Variants in ERO1B observed in about 807,000 individuals in gnomAD.
ERO1B encodes the protein ERO1-like protein beta.
ERO1B carries 49 observed loss-of-function variants against 75.3 expected under a neutral mutation model. The ratio of observed to expected loss-of-function variants is 0.65; its 90% CI spans 0.52 to 0.83. The LOEUF is 0.83. Ranked by LOEUF, ERO1B falls within the 40% of genes least tolerant of loss-of-function variation. ERO1B has a pLI of 0.00. For synonymous variants in ERO1B, 191 were observed against 192.9 expected (o/e 0.99, Z 0.08); for missense variants, 512 against 560.1 (o/e 0.91, Z 0.87).
chr1:236,227,749 ACTCT>A (rs1209132676), intron 10 of ERO1B, among the ~76,000 whole-genome samples: 1 of 151,966 alleles, frequency 6.6e-6, no homozygotes, highest in African/African-American at 2.4e-5. Context: ...CCAGCAATTC[ACTCT>A]CTCTTTCTGT....
chr1:236,230,387 T>C (rs12022809), intron 9 of ERO1B, 137 bp from the exon 10 acceptor site: 38,624 of 630,058 alleles, frequency 0.061, 3,469 homozygotes, highest in East Asian at 0.41. Flanking sequence ...CGAGGTGGGC[T>C]GATCACTTGA....
At chr1:236,247,853 T>C (rs145895125) in intron 5 of ERO1B, among the ~76,000 whole-genome samples, 1 of 152,130 alleles carries the variant, frequency 6.6e-6, no homozygotes, top group Non-Finnish European at 1.5e-5. Flanking sequence ...ATACCTGGAA[T>C]GCTCATCCCC....
intron 1 of ERO1B, among the ~76,000 whole-genome samples, chr1:236,272,047 CAAAA>C (rs1163785539): frequency 2.6e-5 from 4 of 151,634 alleles, no homozygotes; most frequent in African/African-American, 9.7e-5. Flanking sequence ...AAAAGTAAAA[CAAAA>C]AAACAGATGT....
intron 1 of ERO1B, among the ~76,000 whole-genome samples, chr1:236,279,764 T>C (rs1272503796): frequency 6.7e-6 from 1 of 149,830 alleles, no homozygotes; most frequent in African/African-American, 2.4e-5. Flanking sequence ...CAGAATTGCT[T>C]GAACCTGTGA....
chr1:236,223,929 C>A (rs918041400), intron 13 of ERO1B, among the ~76,000 whole-genome samples: 1 of 152,096 alleles, frequency 6.6e-6, no homozygotes. Flanking sequence ...AAGAAAGTCT[C>A]GCCAAAGGAG....
intron 10 of ERO1B, 73 bp from the exon 11 acceptor site, chr1:236,226,812 T>C: frequency 1.9e-6 from 2 of 1,031,860 alleles, no homozygotes; most frequent in East Asian, 4.9e-5. Flanking sequence ...GGAGGTTCAG[T>C]ATGTAGGCTT....
At chr1:236,232,610 C>G (rs1572036447) in intron 9 of ERO1B, among the ~76,000 whole-genome samples, 1 of 148,858 alleles carries the variant, frequency 6.7e-6, no homozygotes, top group South Asian at 2.1e-4. Context: ...AATTGATTTA[C>G]AAACTAAGCA....
intron 2 of ERO1B, among the ~76,000 whole-genome samples, chr1:236,267,092 T>C (rs374089081): frequency 7.2e-5 from 11 of 152,348 alleles, no homozygotes; most frequent in African/African-American, 2.4e-4. Flanking sequence ...TTCCTTCTTT[T>C]GGTCCAACAG....
At chr1:236,230,608 T>G (rs1664382537) in intron 9 of ERO1B, among the ~76,000 whole-genome samples, 1 of 80,300 alleles carries the variant, frequency 1.2e-5, no homozygotes, top group Non-Finnish European at 2.4e-5. Context: ...TGAGACCCTG[T>G]CTCAAAAAAA....
At chr1:236,224,468 T>TAAA (rs35284640) in intron 13 of ERO1B, among the ~76,000 whole-genome samples, 1 of 106,606 alleles carries the variant, frequency 9.4e-6, no homozygotes. Context: ...AATTTAAAAG[T>TAAA]AAAAAAAAAA....
intron 13 of ERO1B, among the ~76,000 whole-genome samples, chr1:236,224,444 C>T (rs1323958001): frequency 6.9e-6 from 1 of 145,382 alleles, no homozygotes; most frequent in African/African-American, 2.5e-5. Flanking sequence ...AGCGAGACCC[C>T]ATCTCAAAAA....
chr1:236,220,673 G>T (rs1664115380), intron 15 of ERO1B, 159 bp downstream of exon 15: 2 of 578,654 alleles, frequency 3.5e-6, no homozygotes, highest in Non-Finnish European at 2.7e-6. Flanking sequence ...TAGAGAAACT[G>T]ACTTGTCAGC....
At position 236,243,437 on chromosome 1, in the gene ERO1B, A is replaced by C. The variant is rs1368239128; in HGVS notation, c.490T>G (p.Phe164Val). The part of the protein sequence containing the change: ...WARYDDSRDH[F>V]CELDDERSPA... ...ATTGTATTACCATCAAGTTCACAAAAGTGATCCCGTGAATCATCATATCTT... is the reference window on the plus strand; with the variant it reads ...ATTGTATTACCATCAAGTTCACAAACGTGATCCCGTGAATCATCATATCTT... The change falls in exon 6 of 16, where the codon TTT becomes GTT. Residue 164 changes from phenylalanine (F) to valine (V), a missense_variant. Transcript: ENST00000354619. 6.2e-7 allele frequency: 1 copy of C among 1,602,584 alleles called. No homozygotes were observed. Among genetic ancestry groups the C allele is most frequent in the South Asian group, 1.1e-5 (1 of 89,030 alleles).
chr1:236,222,128 GAGA>G lies in ERO1B; in HGVS notation c.1123-121_1123-119del, dbSNP rs1266568937. 1.1e-5 allele frequency: 9 copies of G among 830,640 alleles called. No individual in the cohort carries two copies. The Admixed American group carries it at 1.1e-4, about 11-fold the overall frequency. 51.5% of individuals were successfully genotyped at this position (830,640 alleles called of 1,614,324 possible). ...AATCAGTTGTGTTTTTTGTTTGTTT[GAGA>G]AGGAGTTTTGCTTTGTCGCCCAGGC... On this transcript the variant is annotated intron_variant, in intron 13 of 15. Coordinates refer to ENST00000354619, the MANE Select transcript of ERO1B (RefSeq NM_019891.4).
At chr1:236,266,585 C>T (rs1269582309) in intron 2 of ERO1B, among the ~76,000 whole-genome samples, 8 of 149,474 alleles carry the variant, frequency 5.4e-5, no homozygotes, top group Admixed American at 4.7e-4. Context: ...GCCTGGGCAA[C>T]AGAGCAAGAC....
At chr1:236,242,438 A>G (rs1178063828) in intron 6 of ERO1B, among the ~76,000 whole-genome samples, 1 of 152,158 alleles carries the variant, frequency 6.6e-6, no homozygotes, top group Non-Finnish European at 1.5e-5. Flanking sequence ...ACCCCTTAGT[A>G]TAACCTCACT....
intron 4 of ERO1B, among the ~76,000 whole-genome samples, chr1:236,250,572 CATATAT>C (rs1171832762): frequency 0.013 from 1,160 of 86,066 alleles, 17 homozygotes; most frequent in Non-Finnish European, 0.016. Flanking sequence ...TAAATTTGAC[CATATAT>C]ATATATATAT....
chr1:236,220,452 T>C (rs1483097663), intron 15 of ERO1B: 7 of 153,292 alleles, frequency 4.6e-5, no homozygotes, highest in Admixed American at 3.3e-4. Context: ...AAGAAAAAAA[T>C]AGTAATGAAA....
chr1:236,250,186 A>G (rs1336753320), intron 4 of ERO1B, among the ~76,000 whole-genome samples: 4 of 151,946 alleles, frequency 2.6e-5, no homozygotes, highest in African/African-American at 9.7e-5. Context: ...AAATTTAACA[A>G]TTAGGCTGGG....
Sources: allele counts gnomAD v4.1 joint callset (sites outside exome capture counted in the v4.1 genomes callset), GRCh38; gene constraint gnomAD v4.1.1; transcripts MANE v1.5; gene names NCBI Gene and HGNC (gene_info 2026-07-23, HGNC 2026-07-21).